The following ARHGEF4 variants were observed in gnomAD, a reference collection of about 807,000 sequenced individuals.
The protein encoded by ARHGEF4 is APC-stimulated guanine nucleotide exchange factor 1.
Under a neutral mutation model 162.0 loss-of-function variants are expected in ARHGEF4, and 119 were observed. That is an observed-to-expected ratio of 0.73 (90% CI 0.63 to 0.86). The LOEUF (loss-of-function observed/expected upper bound fraction) is 0.86. ARHGEF4 is among the 40% of genes least tolerant of loss of function. The probability of loss-of-function intolerance (pLI) is 0.00; values close to 1 mark genes in which losing one functional copy is unlikely to be tolerated. For synonymous variants in ARHGEF4, 1,014 were observed against 979.9 expected (o/e 1.03, Z -0.65); for missense variants, 2,488 against 2,456.0 (o/e 1.01, Z -0.28).
rs137914846 is a variant in ARHGEF4 at position 131,013,490 on chromosome 2, G to A, written c.3986-14455G>A. Among the ~76,000 whole-genome samples, 12 of 152,304 alleles carry A rather than the reference G, an allele frequency of 7.9e-5. No homozygotes were observed. In the East Asian group the frequency reaches 1.9e-3, roughly 24 times the overall value. ...ATGCCCAACCCCTGTAAGCTCAAAC[G>A]TTAGAGTTTCTCATGCATGATTGTC... On this transcript the variant is annotated intron_variant, in intron 4 of 13. Transcript: ENST00000409359.
At chr2:130,913,280 T>C (rs1297907432) in intron 1 of ARHGEF4, among the ~76,000 whole-genome samples, 1 of 152,198 alleles carries the variant, frequency 6.6e-6, no homozygotes, top group Non-Finnish European at 1.5e-5. Flanking sequence ...ATTTTTATCA[T>C]GGTGGTAGTT....
intron 4 of ARHGEF4, among the ~76,000 whole-genome samples, chr2:131,001,348 A>T (rs1165465552): frequency 6.7e-6 from 1 of 149,390 alleles, no homozygotes; most frequent in Non-Finnish European, 1.5e-5. Flanking sequence ...CTGAAGATGG[A>T]TAACGGGAAG....
At chr2:130,840,021 G>A (rs553458962) in intron 1 of ARHGEF4, among the ~76,000 whole-genome samples, 1 of 152,300 alleles carries the variant, frequency 6.6e-6, no homozygotes, top group African/African-American at 2.4e-5. Context: ...GCCAAGACAA[G>A]TCGTGAAGGT....
intron 5 of ARHGEF4, among the ~76,000 whole-genome samples, chr2:131,032,756 GCCA>G (rs1689934819): frequency 6.6e-6 from 1 of 151,676 alleles, no homozygotes; most frequent in African/African-American, 2.4e-5. Context: ...GCCTAGTTGG[GCCA>G]CTCCCCTCCC....
intron 5 of ARHGEF4, among the ~76,000 whole-genome samples, chr2:131,034,717 G>A (rs1041402384): frequency 1.1e-4 from 16 of 152,274 alleles, no homozygotes; most frequent in African/African-American, 3.4e-4. Flanking sequence ...GAGGTCCCGG[G>A]GCATCCCCGA....
At chr2:131,042,192 C>G (rs897248582) in intron 10 of ARHGEF4, among the ~76,000 whole-genome samples, 4 of 152,192 alleles carry the variant, frequency 2.6e-5, no homozygotes, top group Non-Finnish European at 5.9e-5. Context: ...GAGCAGCCAG[C>G]CAGCCCAGGA....
Position 131,043,540 on chromosome 2 carries a change from G to A in ARHGEF4, c.5114G>A (p.Arg1705Gln), listed in dbSNP as rs536731766. The change falls in exon 11 of 14, where the codon CGA becomes CAA. Residue 1705 changes from arginine (R) to glutamine (Q), a missense_variant. Around this residue, in one of 6 missense-constraint regions of ARHGEF4, gnomAD observed 415 missense variants for 512.4 expected, o/e 0.81. Coordinates refer to ENST00000409359, the MANE Select transcript of ARHGEF4 (RefSeq NM_001367493.1). ...VTQPQAKSQQ[R>Q]MFFLFDHQLI... Reference sequence around the variant, plus strand: ...CAGCCTCAAGCCAAAAGCCAGCAGCGAATGTTCTTTCTCTTTGACCACCAG... The same window carrying A: ...CAGCCTCAAGCCAAAAGCCAGCAGCAAATGTTCTTTCTCTTTGACCACCAG... 1.6e-5 allele frequency: 26 copies of A among 1,614,088 alleles called. No homozygotes were observed. The African/African-American group carries it at 1.7e-4, about 11-fold the overall frequency.
intron 1 of ARHGEF4, among the ~76,000 whole-genome samples, chr2:130,869,064 A>G (rs776662169): frequency 7.9e-5 from 12 of 152,214 alleles, no homozygotes; most frequent in African/African-American, 1.2e-4. Flanking sequence ...CAACAGTCAC[A>G]GGTTCTTGGG....
rs1454189211 is a variant in ARHGEF4, at chr2:130,916,303, A to C, written c.2357A>C (p.Gln786Pro). The C allele has an allele frequency of 6.5e-7, 1 of 1,540,924 alleles. No homozygotes were observed. ...CCACGCGGGCTCCGCAAGGGCGCGCAGGAGCCTGGGAAGCGCCCGACGTTT... is the reference window on the plus strand; with the variant it reads ...CCACGCGGGCTCCGCAAGGGCGCGCCGGAGCCTGGGAAGCGCCCGACGTTT... ...QPPRGLRKGA[Q>P]EPGKRPTFSK... Residue 786 changes from glutamine to proline, a missense_variant, in exon 2 of 14, where the codon CAG becomes CCG. Physicochemically the swap from Gln to Pro is moderately conservative, Grantham distance 76. This residue lies in a region of ARHGEF4 where 1,642 missense variants were observed against 1,481.5 expected (regional missense o/e 1.11). Coordinates refer to ENST00000409359, the MANE Select transcript of ARHGEF4 (RefSeq NM_001367493.1).
At position 131,045,900 on chromosome 2, in the gene ARHGEF4, G is replaced by A. The variant is rs1691212304; in HGVS notation, c.5480-138G>A. 3 of 1,493,820 alleles carry A rather than the reference G, an allele frequency of 2.0e-6. No homozygotes were observed. The Admixed American group carries it at 6.7e-5, about 33-fold the overall frequency. 92.5% of individuals were successfully genotyped at this position (1,493,820 alleles called of 1,614,324 possible). A position where few individuals can be genotyped will look rare whatever the true frequency, so the allele number is the denominator to read the frequency against. On this transcript the variant is annotated intron_variant, in intron 13 of 13. Transcript: ENST00000409359. ...CTTGGATGTGGTCAGCTCTCCAGGA[G>A]CAAGTCCTGTGTGGCAAAACTGCCT... is the stretch of plus-strand genomic sequence containing the variant.
chr2:130,984,438 C>T (rs567130650), intron 4 of ARHGEF4, among the ~76,000 whole-genome samples: 68 of 152,300 alleles, frequency 4.5e-4, no homozygotes, highest in Non-Finnish European at 8.5e-4. Context: ...CACCTGTAAT[C>T]CCAGCACTTT....
chr2:130,949,409 A>G (rs930232021), intron 4 of ARHGEF4, among the ~76,000 whole-genome samples: 1 of 152,168 alleles, frequency 6.6e-6, no homozygotes, highest in African/African-American at 2.4e-5. Flanking sequence ...GCTGGAGTGC[A>G]GTGGTGCGAT....
intron 3 of ARHGEF4, among the ~76,000 whole-genome samples, chr2:130,941,210 ATT>A (rs70994724): frequency 6.9e-6 from 1 of 145,248 alleles, no homozygotes. Flanking sequence ...TCCATTTATA[ATT>A]TTTTTTTTTT....
chr2:130,837,044 G>C, intron 1 of ARHGEF4, 52 bp downstream of exon 1: 1 of 1,224,836 alleles, frequency 8.2e-7, no homozygotes. Context: ...CCCTGCGCGG[G>C]TGGGGAGGAG....
chr2:130,991,448 G>C (rs1016266340), intron 4 of ARHGEF4, among the ~76,000 whole-genome samples: 1 of 152,250 alleles, frequency 6.6e-6, no homozygotes, highest in Non-Finnish European at 1.5e-5. Flanking sequence ...GGTGTGGAGG[G>C]AGAGGCGCGA....
chr2:131,020,145 T>C (rs1004247286), intron 4 of ARHGEF4, among the ~76,000 whole-genome samples: 6 of 152,246 alleles, frequency 3.9e-5, no homozygotes, highest in African/African-American at 7.2e-5. Context: ...CAGATAATTT[T>C]ATTTTTCCTT....
chr2:131,030,811 C>T (rs1168009789), intron 5 of ARHGEF4, among the ~76,000 whole-genome samples: 1 of 152,206 alleles, frequency 6.6e-6, no homozygotes, highest in Non-Finnish European at 1.5e-5. Context: ...GCTTGCACTG[C>T]AGACTCAGGA....
chr2:130,944,241 C>G (rs1028929429), intron 3 of ARHGEF4, among the ~76,000 whole-genome samples: 2 of 152,128 alleles, frequency 1.3e-5, no homozygotes. Flanking sequence ...TATGATGTCT[C>G]TAGGCATTGA....
chr2:130,960,142 G>C (rs1395102108), intron 4 of ARHGEF4, among the ~76,000 whole-genome samples: 1 of 151,942 alleles, frequency 6.6e-6, no homozygotes, highest in Non-Finnish European at 1.5e-5. Flanking sequence ...GGTCCCCTAA[G>C]ATTATAATGG....
Sources: allele counts gnomAD v4.1 joint callset (sites outside exome capture counted in the v4.1 genomes callset), GRCh38; gene constraint gnomAD v4.1.1; regional missense constraint gnomAD v4.1.1; transcripts MANE v1.5; gene names NCBI Gene and HGNC (gene_info 2026-07-23, HGNC 2026-07-21).